Variants in TRPM2 observed in about 807,000 individuals in gnomAD.
The protein encoded by TRPM2 is transient receptor potential cation channel subfamily M member 2.
In TRPM2, 161 loss-of-function variants were observed where a neutral mutation model predicts 174.0. The ratio of observed to expected loss-of-function variants is 0.93; its 90% confidence interval spans 0.81 to 1.05. The LOEUF (loss-of-function observed/expected upper bound fraction) is 1.05, where lower values mean the gene tolerates loss of function less well. TRPM2 is among the 50% of genes least tolerant of loss of function. TRPM2 has a pLI of 0.00. For missense variants in TRPM2, 2,057 were observed against 2,038.0 expected, an observed-to-expected ratio of 1.01 and a Z score of -0.18; for synonymous variants, 954 against 861.3, an observed-to-expected ratio of 1.11 and a Z score of -1.88.
At position 44,369,237 on chromosome 21, in the gene TRPM2, T is replaced by A; in HGVS notation, c.665T>A (p.Val222Glu). 6.2e-7 allele frequency: 1 copy of A among 1,613,542 alleles called. No individual in the cohort carries two copies. Residue 222 changes from valine (V) to glutamate (E), a missense_variant, in exon 5 of 32, where the codon GTG becomes GAG. Physicochemically the swap from Val to Glu is moderately radical, Grantham distance 121 (BLOSUM62 -2). Transcript: ENST00000397928. Reference sequence around the variant, plus strand: ...GTCATGAAGCAGGTAGGCGAGGCGGTGCGGGACTTCAGCCTGAGCAGCAGC... The same window carrying A: ...GTCATGAAGCAGGTAGGCGAGGCGGAGCGGGACTTCAGCCTGAGCAGCAGC... ...TGVMKQVGEA[V>E]RDFSLSSSYK...
At chr21:44,359,309 C>A (rs1307166053) in intron 2 of TRPM2, among the ~76,000 whole-genome samples, 1 of 152,076 alleles carries the variant, frequency 6.6e-6, no homozygotes, top group Non-Finnish European at 1.5e-5. Context: ...CGCACCCAAC[C>A]CAGAAGTCTA....
chr21:44,439,044 G>T lies in TRPM2; in HGVS notation c.4168-23G>T. On this transcript the variant is annotated intron_variant, in intron 29 of 31. Transcript: ENST00000397928. The surrounding 1 kb of genome is among the most constrained non-coding windows in gnomAD (Gnocchi z 5.1). Reference sequence around the variant, plus strand: ...TCCCGCTTCGGTGCCCTGTTGACCTGCCTCCGTCCTCTGTCTGTCCAGGGC... The same window carrying T: ...TCCCGCTTCGGTGCCCTGTTGACCTTCCTCCGTCCTCTGTCTGTCCAGGGC... The T allele has an allele frequency of 1.9e-6, 3 of 1,603,934 alleles. No homozygotes were observed. The East Asian group carries it at 6.7e-5, about 36-fold the overall frequency.
intron 9 of TRPM2, among the ~76,000 whole-genome samples, chr21:44,383,379 T>C (rs554818881): frequency 5.2e-4 from 79 of 152,336 alleles, no homozygotes; most frequent in Non-Finnish European, 1.0e-3. Context: ...CTTGGTCTTA[T>C]ATGTGCTCCT....
intron 8 of TRPM2, among the ~76,000 whole-genome samples, chr21:44,381,862 G>A (rs1225694255): frequency 2.0e-5 from 3 of 151,084 alleles, no homozygotes; most frequent in Non-Finnish European, 4.4e-5. Flanking sequence ...ACCCAAGATC[G>A]TGCCACTGCA....
At chr21:44,364,542 G>C (rs539069674) in intron 3 of TRPM2, among the ~76,000 whole-genome samples, 10 of 152,328 alleles carry the variant, frequency 6.6e-5, no homozygotes, top group Admixed American at 2.6e-4. Flanking sequence ...CAAGCTGGGA[G>C]TGGTGAGTGA....
chr21:44,413,793 C>A (rs2050184169), intron 19 of TRPM2, 98 bp from the exon 20 acceptor site: 7 of 1,397,918 alleles, frequency 5.0e-6, no homozygotes, highest in Middle Eastern at 3.7e-4. Context: ...CTGCGGGGGA[C>A]CTGGCAGTGA....
chr21:44,367,676 C>T lies in TRPM2; in HGVS notation c.604+742C>T, dbSNP rs533281126. 1.4e-4 allele frequency among the ~76,000 whole-genome samples: 21 copies of T among 152,298 alleles called. No individual in the cohort carries two copies. In the South Asian group the frequency reaches 3.9e-3, roughly 29 times the overall value. Reference sequence around the variant, plus strand: ...CTGAGGTGACTACTTGGCAATGTTGCGTCCGGATGGGCCTAGAGTCACCCT... The same window carrying T: ...CTGAGGTGACTACTTGGCAATGTTGTGTCCGGATGGGCCTAGAGTCACCCT... On this transcript the variant is annotated intron_variant, in intron 4 of 31. Coordinates refer to ENST00000397928, the MANE Select transcript of TRPM2 (RefSeq NM_003307.4). The surrounding 1 kb of genome is among the most constrained non-coding windows in gnomAD (Gnocchi z 4.6).
intron 5 of TRPM2, 117 bp from the exon 6 acceptor site, chr21:44,375,716 C>A: frequency 8.2e-7 from 1 of 1,213,976 alleles, no homozygotes; most frequent in Non-Finnish European, 1.1e-6. Context: ...AATAAGGCCA[C>A]GTCCACAGAT....
chr21:44,415,909 A>G (rs1011094116), intron 20 of TRPM2: 1 of 152,060 alleles, frequency 6.6e-6, no homozygotes, highest in Non-Finnish European at 1.5e-5. Context: ...AGAACAAATT[A>G]AATGCTGAGG....
At chr21:44,387,308 A>G (rs1434464168) in intron 9 of TRPM2, among the ~76,000 whole-genome samples, 1 of 152,218 alleles carries the variant, frequency 6.6e-6, no homozygotes, top group East Asian at 1.9e-4. Flanking sequence ...GAGGAGAGGG[A>G]CAGTCTTTTC....
chr21:44,401,346 G>A (rs1273234190), intron 15 of TRPM2, among the ~76,000 whole-genome samples: 2 of 152,164 alleles, frequency 1.3e-5, no homozygotes, highest in African/African-American at 4.8e-5. Context: ...TGAAGCTGGG[G>A]CCCACCCAAG....
chr21:44,363,772 G>C (rs1415166468), intron 2 of TRPM2, among the ~76,000 whole-genome samples: 1 of 152,126 alleles, frequency 6.6e-6, no homozygotes, highest in East Asian at 1.9e-4. Flanking sequence ...TTTATGTTAA[G>C]AGACTCAAGA....
chr21:44,352,733 A>C (rs2047947625), upstream of TRPM2, among the ~76,000 whole-genome samples: 1 of 152,240 alleles, frequency 6.6e-6, no homozygotes, highest in Non-Finnish European at 1.5e-5. Flanking sequence ...GAGGGCAGTC[A>C]TCCGGTGGCT....
chr21:44,415,530 C>G (rs990651420), intron 20 of TRPM2: 2 of 152,210 alleles, frequency 1.3e-5, no homozygotes, highest in African/African-American at 4.8e-5. Context: ...GGAGCACAGC[C>G]CTGCCGAACC....
intron 4 of TRPM2, 131 bp from the exon 5 acceptor site, chr21:44,369,046 C>A: frequency 9.8e-7 from 1 of 1,018,250 alleles, no homozygotes; most frequent in Non-Finnish European, 1.4e-6. Context: ...GGTTTGAAAG[C>A]CCCTGAGTGA....
At chr21:44,433,211 G>C (rs1377009933) in intron 27 of TRPM2, among the ~76,000 whole-genome samples, 1 of 152,220 alleles carries the variant, frequency 6.6e-6, no homozygotes, top group African/African-American at 2.4e-5. Flanking sequence ...CTCTGCCACT[G>C]GCCGACTAGG....
intron 9 of TRPM2, among the ~76,000 whole-genome samples, chr21:44,383,972 C>G (rs2048952835): frequency 6.6e-6 from 1 of 151,778 alleles, no homozygotes; most frequent in African/African-American, 2.4e-5. Flanking sequence ...AAATGAAATC[C>G]AAAAGTAGCA....
Position 44,424,955 on chromosome 21 carries a change from G to A in TRPM2, c.3637+16G>A, listed in dbSNP as rs778995117. 6.3e-7 allele frequency: 1 copy of A among 1,589,142 alleles called. No homozygotes were observed. The highest frequency in any genetic ancestry group is 1.1e-5 in the South Asian group (1 of 87,534). On this transcript the variant is annotated intron_variant, in intron 24 of 31. Coordinates refer to ENST00000397928, the MANE Select transcript of TRPM2 (RefSeq NM_003307.4). Reference sequence around the variant, plus strand: ...CCCACTCTGGGTGAGTGGGTGGCCAGGCCAGCAGCTGGTCTCCAGCCGCCT... The same window carrying A: ...CCCACTCTGGGTGAGTGGGTGGCCAAGCCAGCAGCTGGTCTCCAGCCGCCT...
chr21:44,412,309 C>T (rs2146324005), intron 19 of TRPM2, among the ~76,000 whole-genome samples: 1 of 152,216 alleles, frequency 6.6e-6, no homozygotes, highest in East Asian at 1.9e-4. Flanking sequence ...ATTTCTTCTC[C>T]AGTCACCTTT....
Sources: allele counts gnomAD v4.1 joint callset (sites outside exome capture counted in the v4.1 genomes callset), GRCh38; gene constraint gnomAD v4.1.1; non-coding constraint Gnocchi (gnomAD v3.1); transcripts MANE v1.5; gene names NCBI Gene and HGNC (gene_info 2026-07-23, HGNC 2026-07-21).